ATP6V1C1: variants seen among roughly 807,000 people sequenced by gnomAD.
The protein encoded by ATP6V1C1 is ATPase H+ transporting V1 subunit C1, also known as V-type proton ATPase subunit C 1.
In ATP6V1C1, 45 loss-of-function variants were observed where a neutral mutation model predicts 53.9. That is an observed-to-expected ratio of 0.83 (90% CI 0.66 to 1.07). ATP6V1C1 has a LOEUF of 1.07. Among genes scored for constraint, ATP6V1C1 ranks in the 50% least tolerant of loss-of-function variants. ATP6V1C1 has a pLI of 0.00. For synonymous variants in ATP6V1C1, 153 were observed against 155.2 expected (o/e 0.99, Z 0.11); for missense variants, 315 against 440.3 (o/e 0.72, Z 2.55).
chr8:103,062,107 G>T (rs1817408984), intron 8 of ATP6V1C1, among the ~76,000 whole-genome samples: 1 of 146,534 alleles, frequency 6.8e-6, no homozygotes, highest in South Asian at 2.3e-4. Flanking sequence ...GGAGCCATGA[G>T]ATGCATACAG....
intron 3 of ATP6V1C1, among the ~76,000 whole-genome samples, chr8:103,047,426 GCGCGCA>G (rs1265037169): frequency 1.2e-3 from 65 of 52,882 alleles, no homozygotes; most frequent in African/African-American, 3.4e-3. Context: ...AAAAAAATGC[GCGCGCA>G]CACACACACA....
chr8:103,025,133 T>A (rs1211132008), intron 1 of ATP6V1C1, among the ~76,000 whole-genome samples: 2 of 152,122 alleles, frequency 1.3e-5, no homozygotes, highest in Admixed American at 6.6e-5. Flanking sequence ...GATCGATGGA[T>A]CTTCTAAGAT....
intron 1 of ATP6V1C1, among the ~76,000 whole-genome samples, chr8:103,038,394 C>G (rs1369137873): frequency 6.6e-6 from 1 of 152,112 alleles, no homozygotes; most frequent in African/African-American, 2.4e-5. Context: ...GTCACAAGGC[C>G]AGCTCCACCT....
chr8:103,041,277 TATC>T (rs1816996078), intron 2 of ATP6V1C1, among the ~76,000 whole-genome samples: 1 of 152,256 alleles, frequency 6.6e-6, no homozygotes, highest in Non-Finnish European at 1.5e-5. Flanking sequence ...TATTCTTAAA[TATC>T]ATAGTGAAGT....
intron 3 of ATP6V1C1, among the ~76,000 whole-genome samples, chr8:103,045,068 T>A (rs1225692602): frequency 6.6e-6 from 1 of 152,222 alleles, no homozygotes; most frequent in Non-Finnish European, 1.5e-5. Flanking sequence ...TACAAAGATT[T>A]TATTTTAGAG....
At chr8:103,033,221 G>A (rs953621465) in intron 1 of ATP6V1C1, among the ~76,000 whole-genome samples, 1 of 152,204 alleles carries the variant, frequency 6.6e-6, no homozygotes, top group African/African-American at 2.4e-5. Flanking sequence ...GGAAGGTTTG[G>A]GGATGATAGA....
In ATP6V1C1 at chr8:103,040,881, T is replaced by C; in HGVS notation, c.45T>C (p.Cys15=). Reference sequence around the variant, plus strand: ...TATCTGCTCCTGGGGAGAAAACCTGTCAGCAAACATGGGAGAAATTGCATG... The same window carrying C: ...TATCTGCTCCTGGGGAGAAAACCTGCCAGCAAACATGGGAGAAATTGCATG... The part of the protein sequence containing the change: ...WLISAPGEKT[C]QQTWEKLHAA... The change falls in exon 2 of 13, where the codon TGT becomes TGC. Residue 15 remains cysteine (C), a synonymous_variant. Coordinates refer to ENST00000518738, the MANE Select transcript of ATP6V1C1 (RefSeq NM_001695.5). The C allele has an allele frequency of 6.2e-7, 1 of 1,614,144 alleles. No homozygotes were observed. Among genetic ancestry groups the C allele is most frequent in the Middle Eastern group, 1.7e-4 (1 of 6,060 alleles).
At chr8:103,021,443 G>A (rs1816585455) in intron 1 of ATP6V1C1, 1 of 152,312 alleles carries the variant, frequency 6.6e-6, no homozygotes, top group Admixed American at 6.5e-5. Context: ...AAAAGAGAAA[G>A]AGCTCTCGTG....
intron 1 of ATP6V1C1, among the ~76,000 whole-genome samples, chr8:103,032,206 T>A (rs1014944526): frequency 5.3e-5 from 8 of 152,198 alleles, no homozygotes; most frequent in Non-Finnish European, 1.2e-4. Flanking sequence ...GAATCCAGTT[T>A]TTTAAAAACT....
intron 1 of ATP6V1C1, among the ~76,000 whole-genome samples, chr8:103,032,834 G>T (rs1318930715): frequency 6.6e-6 from 1 of 152,080 alleles, no homozygotes; most frequent in Non-Finnish European, 1.5e-5. Flanking sequence ...TCTACTTTTA[G>T]AATTTTTTAT....
At chr8:103,054,080 T>A in intron 7 of ATP6V1C1, 98 bp downstream of exon 7, 1 of 897,342 alleles carries the variant, frequency 1.1e-6, no homozygotes, top group Non-Finnish European at 1.7e-6. Flanking sequence ...AATCCAAGCG[T>A]AAAAGGAATA....
At chr8:103,061,324 G>A (rs1324405304) in intron 8 of ATP6V1C1, among the ~76,000 whole-genome samples, 6 of 152,198 alleles carry the variant, frequency 3.9e-5, no homozygotes, top group African/African-American at 1.2e-4. Flanking sequence ...GCTGGCTGAC[G>A]AGGAGTAGGG....
intron 1 of ATP6V1C1, among the ~76,000 whole-genome samples, chr8:103,031,222 T>C (rs1296629899): frequency 2.0e-5 from 3 of 152,130 alleles, no homozygotes; most frequent in Non-Finnish European, 2.9e-5. Flanking sequence ...AAGTGAAATA[T>C]TCACTGGTGA....
intron 1 of ATP6V1C1, among the ~76,000 whole-genome samples, chr8:103,023,534 C>G (rs1816636444): frequency 6.6e-6 from 1 of 152,106 alleles, no homozygotes; most frequent in Admixed American, 6.5e-5. Flanking sequence ...TCGAGGCAGT[C>G]CTGAAGTACA....
chr8:103,023,050 C>T (rs559395527), intron 1 of ATP6V1C1, among the ~76,000 whole-genome samples: 1 of 152,146 alleles, frequency 6.6e-6, no homozygotes, highest in Non-Finnish European at 1.5e-5. Flanking sequence ...TAGACCCTGT[C>T]TCTGAAAAAC....
At chr8:103,039,118 C>T (rs1395297831) in intron 1 of ATP6V1C1, among the ~76,000 whole-genome samples, 1 of 152,190 alleles carries the variant, frequency 6.6e-6, no homozygotes, top group Non-Finnish European at 1.5e-5. Context: ...CCACTGTCTG[C>T]ATCTGTACCA....
At chr8:103,042,170 A>G (rs184926324) in intron 2 of ATP6V1C1, among the ~76,000 whole-genome samples, 170 bp from the exon 3 acceptor site, 2 of 152,338 alleles carry the variant, frequency 1.3e-5, no homozygotes, top group Non-Finnish European at 2.9e-5. Flanking sequence ...TATCTTGTAC[A>G]TATAAATAGC....
chr8:103,046,079 C>T (rs548906882), intron 3 of ATP6V1C1, among the ~76,000 whole-genome samples: 1 of 151,962 alleles, frequency 6.6e-6, no homozygotes, highest in Non-Finnish European at 1.5e-5. Context: ...GAAAGGAGGT[C>T]CCTGAGAATA....
chr8:103,040,780 A>C lies in ATP6V1C1; in HGVS notation c.-39-18A>C. 1 of 1,560,836 alleles carries C rather than the reference A, an allele frequency of 6.4e-7. No homozygotes were observed. Among genetic ancestry groups the C allele is most frequent in the Admixed American group, 2.0e-5 (1 of 51,150 alleles). On this transcript the variant is annotated intron_variant, in intron 1 of 12. Transcript: ENST00000518738. ...AATGATTTTAAATGTGATTTTTTTT[A>C]TTTGTTTTACATTTCAGAATCTCTC...
Sources: allele counts gnomAD v4.1 joint callset (sites outside exome capture counted in the v4.1 genomes callset), GRCh38; gene constraint gnomAD v4.1.1; transcripts MANE v1.5; gene names NCBI Gene and HGNC (gene_info 2026-07-23, HGNC 2026-07-21).